The following NXPE2 variants were observed in gnomAD, a reference collection of about 807,000 sequenced individuals.
NXPE2 encodes NXPE family member 2.
Under a neutral mutation model 34.4 loss-of-function variants are expected in NXPE2, and 34 were observed. The ratio of observed to expected loss-of-function variants is 0.99; its 90% CI spans 0.75 to 1.31. The LOEUF is 1.31. Ranked by LOEUF, NXPE2 falls within the 40% of genes most tolerant of loss-of-function variation. NXPE2 has a pLI of 0.00. For missense variants in NXPE2, 649 were observed against 672.5 expected, an observed-to-expected ratio of 0.97 and a Z score of 0.39; for synonymous variants, 235 against 231.3, an observed-to-expected ratio of 1.02 and a Z score of -0.15.
the NXPE2 span, among the ~76,000 whole-genome samples, chr11:114,727,853 AT>A: frequency 6.6e-6 from 1 of 150,452 alleles, no homozygotes; most frequent in African/African-American, 2.4e-5. Context: ...GAAGATCACA[AT>A]TTTGGTCAAT....
Position 114,698,699 on chromosome 11 carries a change from T to C in NXPE2, c.787T>C (p.Cys263Arg), listed in dbSNP as rs765102258. Residue 263 changes from cysteine (C) to arginine (R), a missense_variant, in exon 3 of 6, where the codon TGT (cysteine) becomes CGT (arginine). Transcript: ENST00000389586. ...FYCVRPQHMP[C>R]EALTHMTTRT... ...CTGTGTGAGGCCTCAACATATGCCCTGTGAGGCCTTGACCCACATGACCAC... is the reference window on the plus strand; with the variant it reads ...CTGTGTGAGGCCTCAACATATGCCCCGTGAGGCCTTGACCCACATGACCAC... 1.9e-6 allele frequency: 3 copies of C among 1,613,632 alleles called. No homozygotes were observed. The highest frequency in any genetic ancestry group is 2.5e-6 in the Non-Finnish European group (3 of 1,179,622).
rs1951479421 is a variant in NXPE2, at chr11:114,706,665, C to T, written c.1415C>T (p.Ala472Val). Residue 472 changes from alanine (A) to valine (V), a missense_variant, in exon 6 of 6, where the codon GCC (alanine) becomes GTC (valine). Ala to Val is a moderately conservative substitution (Grantham distance 64, BLOSUM62 0). Transcript: ENST00000389586. Reference protein sequence around the residue: ...FIRRAINIQKAIERLFLRSPE... With the variant: ...FIRRAINIQKVIERLFLRSPE... The stretch of plus-strand genomic sequence containing the variant: ...CGTAGGGCCATCAATATTCAAAAGG[C>T]CATTGAACGTCTATTCTTGCGAAGC... The T allele has an allele frequency of 1.3e-6, 2 of 1,551,972 alleles. No homozygotes were observed. Among genetic ancestry groups the T allele is most frequent in the Non-Finnish European group, 8.7e-7 (1 of 1,147,028 alleles).
Position 114,701,603 on chromosome 11 carries a change from G to A in NXPE2, c.867-2388G>A, listed in dbSNP as rs557640661. Among the ~76,000 whole-genome samples the A allele has an allele frequency of 1.1e-4, 16 of 152,246 alleles. 1 individual carries two copies. In the South Asian group the frequency reaches 2.9e-3, roughly 28 times the overall value. On this transcript the variant is annotated intron_variant, in intron 3 of 5. Transcript: ENST00000389586. Reference sequence around the variant, plus strand: ...ACAGGTGATGTAGTGCATGTGCAAGGAACAGCTGATTACACATCCAAGAAG... The same window carrying A: ...ACAGGTGATGTAGTGCATGTGCAAGAAACAGCTGATTACACATCCAAGAAG...
the NXPE2 span, among the ~76,000 whole-genome samples, chr11:114,620,280 G>A: frequency 6.6e-6 from 1 of 151,996 alleles, no homozygotes; most frequent in Non-Finnish European, 1.5e-5. Flanking sequence ...TTACCCGGTG[G>A]ATAATAAGTA....
chr11:114,525,255 A>G, the NXPE2 span, among the ~76,000 whole-genome samples: 255 of 152,176 alleles, frequency 1.7e-3, 1 homozygote, highest in African/African-American at 5.9e-3. Flanking sequence ...GTAGGTTTGC[A>G]TAGACCTGCC....
the NXPE2 span, among the ~76,000 whole-genome samples, chr11:114,594,122 C>G: frequency 2.6e-5 from 4 of 152,006 alleles, no homozygotes; most frequent in Non-Finnish European, 5.9e-5. Context: ...GATAGTATAA[C>G]AGGGTAACTA....
At chr11:114,668,981 C>T in the NXPE2 span, among the ~76,000 whole-genome samples, 1 of 152,016 alleles carries the variant, frequency 6.6e-6, no homozygotes, top group Non-Finnish European at 1.5e-5. Flanking sequence ...GCTCCCATTC[C>T]ACTCCCAGCT....
At chr11:114,559,892 T>A in the NXPE2 span, 2,979 of 152,274 alleles carry the variant, frequency 0.02, 39 homozygotes, top group Non-Finnish European at 0.032. Flanking sequence ...TTGTTCCTTG[T>A]CTGTGAACAC....
the NXPE2 span, among the ~76,000 whole-genome samples, chr11:114,539,786 A>G: frequency 6.6e-6 from 1 of 152,172 alleles, no homozygotes; most frequent in Non-Finnish European, 1.5e-5. Flanking sequence ...ACCAATCAAA[A>G]GAAGTAGATA....
chr11:114,561,949 TTTC>T, the NXPE2 span, among the ~76,000 whole-genome samples: 36 of 152,346 alleles, frequency 2.4e-4, no homozygotes, highest in Non-Finnish European at 3.5e-4. Flanking sequence ...CCCTCAAGTT[TTTC>T]TTTATTTCAC....
the NXPE2 span, among the ~76,000 whole-genome samples, chr11:114,655,453 T>C: frequency 6.6e-6 from 1 of 152,206 alleles, no homozygotes; most frequent in African/African-American, 2.4e-5. Flanking sequence ...TTTTTATGGT[T>C]TGAGGTTTTA....
the NXPE2 span, among the ~76,000 whole-genome samples, chr11:114,739,671 AG>A: frequency 3.3e-5 from 5 of 152,234 alleles, no homozygotes; most frequent in Non-Finnish European, 7.4e-5. Flanking sequence ...CCTGTACATT[AG>A]GTCTCCAGAA....
chr11:114,657,300 T>G, the NXPE2 span, among the ~76,000 whole-genome samples: 1 of 152,178 alleles, frequency 6.6e-6, no homozygotes, highest in South Asian at 2.1e-4. Flanking sequence ...TTGGGAGATC[T>G]CGATATAGAA....
the NXPE2 span, among the ~76,000 whole-genome samples, chr11:114,516,830 G>A: frequency 6.6e-6 from 1 of 152,034 alleles, no homozygotes; most frequent in East Asian, 1.9e-4. Context: ...GCCTCTCTGA[G>A]CCCTACTTCT....
the NXPE2 span, among the ~76,000 whole-genome samples, chr11:114,497,449 G>T: frequency 1.3e-5 from 2 of 152,080 alleles, no homozygotes; most frequent in African/African-American, 4.8e-5. Flanking sequence ...ACCCTATACA[G>T]GTGTACCATT....
At chr11:114,732,970 T>A in the NXPE2 span, among the ~76,000 whole-genome samples, 1 of 152,250 alleles carries the variant, frequency 6.6e-6, no homozygotes, top group African/African-American at 2.4e-5. Flanking sequence ...TATAACACTC[T>A]GAGGCTATTA....
At chr11:114,604,044 A>G in the NXPE2 span, among the ~76,000 whole-genome samples, 1 of 151,964 alleles carries the variant, frequency 6.6e-6, no homozygotes, top group Middle Eastern at 3.2e-3. Flanking sequence ...ATTGCCTCAT[A>G]GGTAACTACT....
At chr11:114,573,674 A>G in the NXPE2 span, among the ~76,000 whole-genome samples, 1 of 152,134 alleles carries the variant, frequency 6.6e-6, no homozygotes, top group Non-Finnish European at 1.5e-5. Flanking sequence ...CCACAATTCT[A>G]AATATATATG....
At chr11:114,580,101 G>T in the NXPE2 span, 1 of 1,541,898 alleles carries the variant, frequency 6.5e-7, no homozygotes, top group Non-Finnish European at 9.0e-7. Flanking sequence ...TTCTGAAAGG[G>T]GTAAGAATTA....
Sources: allele counts gnomAD v4.1 joint callset (sites outside exome capture counted in the v4.1 genomes callset), GRCh38; gene constraint gnomAD v4.1.1; transcripts MANE v1.5; gene names NCBI Gene and HGNC (gene_info 2026-07-23, HGNC 2026-07-21).